Variants in SPPL3 observed in about 807,000 individuals in gnomAD.
SPPL3 encodes the protein signal peptide peptidase like 3.
In SPPL3, 5 loss-of-function variants were observed where a neutral mutation model predicts 42.4. The ratio of observed to expected loss-of-function variants is 0.12; its 90% confidence interval spans 0.06 to 0.25. SPPL3 has a LOEUF of 0.25. Ranked by LOEUF, SPPL3 falls within the 10% of genes least tolerant of loss-of-function variation. The pLI, the probability that SPPL3 is intolerant of heterozygous loss-of-function variation, is 1.00. For missense variants in SPPL3, 235 were observed against 489.0 expected, an observed-to-expected ratio of 0.48 and a Z score of 4.90; for synonymous variants, 195 against 181.8, an observed-to-expected ratio of 1.07 and a Z score of -0.58.
intron 2 of SPPL3, among the ~76,000 whole-genome samples, chr12:120,802,431 A>ATATATTT (rs1312190815): frequency 1.9e-5 from 2 of 105,162 alleles, no homozygotes; most frequent in Non-Finnish European, 3.5e-5. Flanking sequence ...ATATATATAT[A>ATATATTT]TTTTTTTTTT....
intron 1 of SPPL3, among the ~76,000 whole-genome samples, chr12:120,817,894 A>G (rs1028081228): frequency 1.3e-5 from 2 of 152,194 alleles, no homozygotes; most frequent in African/African-American, 4.8e-5. Context: ...CATTTCAGAA[A>G]TAGACACAGA....
chr12:120,776,474 C>T (rs1411018011), intron 6 of SPPL3, among the ~76,000 whole-genome samples: 2 of 152,130 alleles, frequency 1.3e-5, no homozygotes, highest in Non-Finnish European at 2.9e-5. Flanking sequence ...AAACCCATTC[C>T]AGACCTGTCT....
chr12:120,815,820 G>T (rs1404729427), intron 1 of SPPL3, among the ~76,000 whole-genome samples: 1 of 151,900 alleles, frequency 6.6e-6, no homozygotes, highest in Non-Finnish European at 1.5e-5. Context: ...TCCGCCTCCT[G>T]GGTTCAAGCA....
At chr12:120,885,825 A>G (rs1173255231) in intron 1 of SPPL3, among the ~76,000 whole-genome samples, 1 of 150,560 alleles carries the variant, frequency 6.6e-6, no homozygotes, top group South Asian at 2.1e-4. Context: ...GTAAGCTGTG[A>G]GTAAAGTCAT....
At chr12:120,766,464 A>C in intron 9 of SPPL3, 92 bp from the exon 10 acceptor site, 4 of 981,112 alleles carry the variant, frequency 4.1e-6, no homozygotes, top group African/African-American at 1.6e-5. Context: ...TACAGATCTA[A>C]TGTGCTGTCG....
At chr12:120,793,659 G>A (rs1869998988) in intron 2 of SPPL3, among the ~76,000 whole-genome samples, 1 of 152,230 alleles carries the variant, frequency 6.6e-6, no homozygotes, top group African/African-American at 2.4e-5. Context: ...ATCTAACCAT[G>A]TTGACACCCT....
At chr12:120,819,552 T>A (rs528865400) in intron 1 of SPPL3, among the ~76,000 whole-genome samples, 4 of 152,240 alleles carry the variant, frequency 2.6e-5, no homozygotes, top group Admixed American at 1.3e-4. Context: ...TGAGAAACTA[T>A]CTGCCAAATA....
At chr12:120,858,464 C>CAAA (rs61150500) in intron 1 of SPPL3, among the ~76,000 whole-genome samples, 5,293 of 141,668 alleles carry the variant, frequency 0.037, 155 homozygotes, top group Non-Finnish European at 0.055. Context: ...CTCAAGAAAA[C>CAAA]AAAAAAAAAA....
Position 120,853,981 on chromosome 12 carries a change from CAT to C in SPPL3, c.24-43097_24-43096del, listed in dbSNP as rs1318096865. On this transcript the variant is annotated intron_variant, in intron 1 of 10. Transcript: ENST00000353487. ...ACCACCACCACCACACACACGCACA[CAT>C]ACACACACACACACACACACACACA... Among the ~76,000 whole-genome samples the C allele has an allele frequency of 3.2e-4, 30 of 94,826 alleles. No homozygotes were observed. In the South Asian group the frequency reaches 5.6e-3, roughly 18 times the overall value. 62.2% of individuals were successfully genotyped at this position (94,826 alleles called of 152,430 possible). A position where few individuals can be genotyped will look rare whatever the true frequency, so the allele number is the denominator to read the frequency against.
At chr12:120,845,622 C>A in intron 1 of SPPL3, 1 of 436,996 alleles carries the variant, frequency 2.3e-6, no homozygotes, top group Non-Finnish European at 4.4e-6. Context: ...GTCAAAAAGG[C>A]CCTTGAAGAC....
chr12:120,799,053 T>G (rs906058937), intron 2 of SPPL3, among the ~76,000 whole-genome samples: 1 of 152,188 alleles, frequency 6.6e-6, no homozygotes, highest in African/African-American at 2.4e-5. Context: ...GATTTTCCCC[T>G]TTTTTCAAAT....
intron 1 of SPPL3, among the ~76,000 whole-genome samples, chr12:120,874,982 C>A (rs562059479): frequency 2.0e-5 from 3 of 152,178 alleles, no homozygotes; most frequent in Admixed American, 6.5e-5. Context: ...AAATTTAGGC[C>A]ACATAAAAAG....
chr12:120,822,605 T>A (rs1157973165), intron 1 of SPPL3, among the ~76,000 whole-genome samples: 1 of 152,136 alleles, frequency 6.6e-6, no homozygotes, highest in African/African-American at 2.4e-5. Context: ...AGTTCATCCC[T>A]TACTTCTATC....
chr12:120,806,298 AG>A (rs912262342), intron 2 of SPPL3, among the ~76,000 whole-genome samples: 3 of 151,212 alleles, frequency 2.0e-5, no homozygotes, highest in Non-Finnish European at 2.9e-5. Context: ...CCTGGGGCTC[AG>A]GTGATCCTCC....
intron 2 of SPPL3, among the ~76,000 whole-genome samples, chr12:120,794,596 C>T (rs558335812): frequency 4.0e-4 from 61 of 152,226 alleles, no homozygotes; most frequent in South Asian, 3.1e-3. Flanking sequence ...CGGGGTTTCA[C>T]TATGTTGGCC....
At chr12:120,853,936 A>ACATG (rs1872346606) in intron 1 of SPPL3, among the ~76,000 whole-genome samples, 1 of 151,304 alleles carries the variant, frequency 6.6e-6, no homozygotes, top group African/African-American at 2.4e-5. Context: ...ACCCAAACCC[A>ACATG]AAACCACATG....
At chr12:120,795,905 G>A (rs565167505) in intron 2 of SPPL3, among the ~76,000 whole-genome samples, 188 of 152,120 alleles carry the variant, frequency 1.2e-3, no homozygotes, top group Middle Eastern at 6.8e-3. Flanking sequence ...ATCTTTTCAT[G>A]TTTAAAAAAA....
intron 1 of SPPL3, among the ~76,000 whole-genome samples, chr12:120,883,105 C>T (rs376122085): frequency 6.6e-6 from 1 of 151,698 alleles, no homozygotes; most frequent in East Asian, 1.9e-4. Flanking sequence ...GAGATCAAGA[C>T]CATCCTGGCT....
intron 1 of SPPL3, among the ~76,000 whole-genome samples, chr12:120,828,380 G>A (rs1027170488): frequency 2.8e-5 from 4 of 141,226 alleles, no homozygotes; most frequent in African/African-American, 1.0e-4. Context: ...AATAAAAAAA[G>A]GTTCAAAAAT....
Sources: allele counts gnomAD v4.1 joint callset (sites outside exome capture counted in the v4.1 genomes callset), GRCh38; gene constraint gnomAD v4.1.1; transcripts MANE v1.5; gene names NCBI Gene and HGNC (gene_info 2026-07-23, HGNC 2026-07-21).